Variants in HEXB observed in about 807,000 individuals in gnomAD.
HEXB encodes beta-hexosaminidase subunit beta.
Under a neutral mutation model 71.2 loss-of-function variants are expected in HEXB, and 51 were observed. That is an observed-to-expected ratio of 0.72 (90% CI 0.57 to 0.90). The LOEUF (loss-of-function observed/expected upper bound fraction) is 0.90. Ranked by LOEUF, HEXB falls within the 40% of genes least tolerant of loss-of-function variation. HEXB has a pLI of 0.00. For missense variants in HEXB, 617 were observed against 677.0 expected (o/e 0.91, Z 0.98); for synonymous variants, 266 against 249.3 (o/e 1.07, Z -0.63).
At chr5:74,646,552 T>G (rs1748004498) in intron 1 of HEXB, among the ~76,000 whole-genome samples, 1 of 151,824 alleles carries the variant, frequency 6.6e-6, no homozygotes, top group African/African-American at 2.4e-5. Flanking sequence ...AAGTTGACAA[T>G]GAACAAACAA....
At chr5:74,661,419 AT>A (rs1042017746) in intron 1 of HEXB, among the ~76,000 whole-genome samples, 49 of 151,964 alleles carry the variant, frequency 3.2e-4, no homozygotes, top group Non-Finnish European at 7.4e-5. Context: ...CATGACTCAT[AT>A]TTTTTTAAAT....
intron 1 of HEXB, among the ~76,000 whole-genome samples, chr5:74,649,053 A>G (rs996902168): frequency 6.6e-6 from 1 of 152,208 alleles, no homozygotes; most frequent in African/African-American, 2.4e-5. Flanking sequence ...CCGAAAAAGA[A>G]AACAATGAAC....
At chr5:74,718,771 T>C (rs371314495) in intron 10 of HEXB, 26 bp from the exon 11 acceptor site, 15 of 1,607,800 alleles carry the variant, frequency 9.3e-6, no homozygotes, top group African/African-American at 1.3e-5. Flanking sequence ...CCTAATAATA[T>C]GTATTGCAAT....
chr5:74,700,337 G>A (rs1032414418), intron 5 of HEXB, among the ~76,000 whole-genome samples: 33 of 151,564 alleles, frequency 2.2e-4, no homozygotes, highest in Middle Eastern at 3.2e-3. Context: ...TTATTTTGTC[G>A]TCTAGAATGT....
At chr5:74,673,545 C>T (rs1748578534) in intron 1 of HEXB, among the ~76,000 whole-genome samples, 1 of 152,160 alleles carries the variant, frequency 6.6e-6, no homozygotes, top group Non-Finnish European at 1.5e-5. Context: ...ATCCATCCAT[C>T]TCCCCTCCTC....
At chr5:74,642,717 G>A (rs754972077) in intron 1 of HEXB, among the ~76,000 whole-genome samples, 1 of 152,170 alleles carries the variant, frequency 6.6e-6, no homozygotes, top group East Asian at 1.9e-4. Context: ...CAGAACTAGG[G>A]ACAGGTATGT....
At chr5:74,691,294 TAAAAATA>T (rs1748998397) in intron 2 of HEXB, among the ~76,000 whole-genome samples, 1 of 152,154 alleles carries the variant, frequency 6.6e-6, no homozygotes, top group East Asian at 1.9e-4. Context: ...CACTATTTAT[TAAAAATA>T]AAAATATGCA....
chr5:74,677,036 G>A lies in HEXB; in HGVS notation c.-376-12292G>A, dbSNP rs996577034. On this transcript the variant is annotated intron_variant, in intron 1 of 13. Coordinates refer to the HEXB transcript ENST00000511181. ...CGAGTAACTGGGATTACAGGCGCCC[G>A]CCACCACACCCCATTAATTTTTGTA... Among the ~76,000 whole-genome samples the A allele has an allele frequency of 3.3e-5, 5 of 151,660 alleles. No homozygotes were observed. The East Asian group carries it at 5.9e-4, about 18-fold the overall frequency.
At position 74,715,546 on chromosome 5, in the gene HEXB, A is replaced by G; in HGVS notation, c.938A>G (p.Gln313Arg). The G allele has an allele frequency of 1.9e-6, 3 of 1,612,694 alleles. No homozygotes were observed. Among genetic ancestry groups the G allele is most frequent in the East Asian group, 2.2e-5 (1 of 44,852 alleles). The change falls in exon 8 of 14, where the codon CAA becomes CGA. Residue 313 changes from glutamine to arginine, a missense_variant. By Grantham distance (43) the Gln-to-Arg change is conservative. Coordinates refer to ENST00000261416, the MANE Select transcript of HEXB (RefSeq NM_000521.4). ...CTCCTGACTCCATGTTACAGTAGAC[A>G]AAACAAGTTGGACTCTTTTGGACCT... Reference protein sequence around the residue: ...KDLLTPCYSRQNKLDSFGPIN... With the variant: ...KDLLTPCYSRRNKLDSFGPIN...
At chr5:74,713,429 G>T (rs1232666759) in intron 6 of HEXB, 77 bp from the exon 7 acceptor site, 5 of 1,403,196 alleles carry the variant, frequency 3.6e-6, no homozygotes, top group Non-Finnish European at 5.0e-6. Context: ...AATATCAAAT[G>T]CAAGCACAAT....
chr5:74,663,642 G>T (rs1345944202), intron 1 of HEXB, among the ~76,000 whole-genome samples: 1 of 152,196 alleles, frequency 6.6e-6, no homozygotes, highest in East Asian at 1.9e-4. Flanking sequence ...AGAACTGTTG[G>T]GAGTCAAGGG....
At position 74,664,448 on chromosome 5, in the gene HEXB, A is replaced by AAAAAAAAAAC. The variant is rs756960235; in HGVS notation, c.-377+23895_-377+23896insAAAACAAAAA. ...CTATCTCTAAAAAAAAAAAAAAAAAAAAAAACAGAGAGAGAGAGAATACTG... is the reference window on the plus strand; with the variant it reads ...CTATCTCTAAAAAAAAAAAAAAAAAAAAAAAAAAACAAAAACAGAGAGAGAGAGAATACTG... On this transcript the variant is annotated intron_variant, in intron 1 of 13. Coordinates refer to the HEXB transcript ENST00000511181. Among the ~76,000 whole-genome samples, 207 of 126,604 alleles carry AAAAAAAAAAC rather than the reference A, an allele frequency of 1.6e-3. 6 individuals carry two copies. Among genetic ancestry groups the AAAAAAAAAAC allele is most frequent in the South Asian group, 2.3e-3 (9 of 3,934 alleles). The allele number at this position is 126,604 out of a possible 152,430, so 83.1% of individuals were successfully genotyped here.
At chr5:74,706,921 G>A (rs1189460935) in intron 6 of HEXB, among the ~76,000 whole-genome samples, 16 of 152,238 alleles carry the variant, frequency 1.1e-4, no homozygotes, top group African/African-American at 2.4e-4. Flanking sequence ...AAATGTCCCC[G>A]TCTGACAGCT....
intron 1 of HEXB, among the ~76,000 whole-genome samples, chr5:74,651,958 T>C (rs186969020): frequency 5.9e-5 from 9 of 152,158 alleles, no homozygotes; most frequent in Admixed American, 5.9e-4. Context: ...CCTCCTGGCC[T>C]GTGGTCAGGT....
At chr5:74,720,110 T>C (rs1214747974) in intron 11 of HEXB, 2 of 345,618 alleles carry the variant, frequency 5.8e-6, no homozygotes, top group Non-Finnish European at 5.4e-6. Context: ...AAATGGTTTC[T>C]GGTGTCCAGG....
At chr5:74,692,895 T>G (rs1188421476) in intron 2 of HEXB, among the ~76,000 whole-genome samples, 1 of 152,224 alleles carries the variant, frequency 6.6e-6, no homozygotes. Context: ...ACTAAATGAC[T>G]ATTGGGCCAA....
At chr5:74,689,189 G>C (rs533866001) in intron 1 of HEXB, 139 bp from the exon 2 acceptor site, 22 of 724,380 alleles carry the variant, frequency 3.0e-5, no homozygotes, top group Admixed American at 1.2e-4. Flanking sequence ...CTAATGTACA[G>C]CTTGGGGTGA....
chr5:74,657,296 A>G (rs1259063080), intron 1 of HEXB, among the ~76,000 whole-genome samples: 3 of 151,906 alleles, frequency 2.0e-5, no homozygotes, highest in Non-Finnish European at 4.4e-5. Flanking sequence ...CCAGATACCC[A>G]CCACTCTCCA....
chr5:74,718,667 GGAA>G, intron 10 of HEXB, 127 bp from the exon 11 acceptor site: 1 of 950,894 alleles, frequency 1.1e-6, no homozygotes, highest in Non-Finnish European at 1.6e-6. Flanking sequence ...GAAGAAAAGA[GGAA>G]AAAGAAAATG....
Sources: allele counts gnomAD v4.1 joint callset (sites outside exome capture counted in the v4.1 genomes callset), GRCh38; gene constraint gnomAD v4.1.1; transcripts MANE v1.5; gene names NCBI Gene and HGNC (gene_info 2026-07-23, HGNC 2026-07-21).